The following DGAT2 variants were observed in gnomAD, a reference collection of about 807,000 sequenced individuals.
DGAT2 encodes acyl-CoA retinol O-fatty-acyltransferase.
A neutral mutation model predicts 48.4 loss-of-function variants in DGAT2; 33 were observed. That is an observed-to-expected ratio of 0.68 (90% CI 0.52 to 0.91). DGAT2 has a LOEUF of 0.91. Among genes scored for constraint, DGAT2 ranks in the 40% least tolerant of loss-of-function variants. The pLI is 0.00. For missense variants in DGAT2, 446 were observed against 493.7 expected (o/e 0.90, Z 0.92); for synonymous variants, 191 against 194.1 (o/e 0.98, Z 0.13).
chr11:75,774,814 C>A (rs1944789554), intron 1 of DGAT2, among the ~76,000 whole-genome samples: 1 of 152,194 alleles, frequency 6.6e-6, no homozygotes, highest in Admixed American at 6.5e-5. Context: ...GACCTACTCG[C>A]AAGCTAGTAG....
intron 4 of DGAT2, chr11:75,794,967 TCC>T (rs1945033963): frequency 2.0e-5 from 2 of 101,934 alleles, no homozygotes. Flanking sequence ...TCCCCTCTCC[TCC>T]GTTCCTCTGC....
chr11:75,792,307 G>GA (rs1178764552), intron 4 of DGAT2: 4 of 152,450 alleles, frequency 2.6e-5, no homozygotes, highest in African/African-American at 9.6e-5. Context: ...GGGGCACTAG[G>GA]ACAAAAGCCA....
In DGAT2 at chr11:75,790,244, G is replaced by C; in HGVS notation, c.307G>C (p.Ala103Pro). 6.2e-7 allele frequency: 1 copy of C among 1,614,144 alleles called. No homozygotes were observed. Among genetic ancestry groups the C allele is most frequent in the Non-Finnish European group, 8.5e-7 (1 of 1,180,016 alleles). Residue 103 changes from alanine (A) to proline (P), a missense_variant, in exon 3 of 8, where the codon GCT (alanine) becomes CCT (proline). Transcript: ENST00000228027. ...YIFCTDCWLIAVLYFTWLVFD... is the reference protein window; with the variant it reads ...YIFCTDCWLIPVLYFTWLVFD... ...ATTCTGCACTGATTGCTGGCTCATC[G>C]CTGTGCTCTACTTCACTTGGCTGGT...
intron 2 of DGAT2, among the ~76,000 whole-genome samples, chr11:75,786,448 C>G (rs1944923638): frequency 6.6e-6 from 1 of 152,168 alleles, no homozygotes; most frequent in African/African-American, 2.4e-5. Context: ...AAAGCTACCA[C>G]TATCCCTGTC....
intron 7 of DGAT2, 120 bp downstream of exon 7, chr11:75,798,549 A>C: frequency 8.6e-7 from 1 of 1,156,968 alleles, no homozygotes; most frequent in South Asian, 1.4e-5. Context: ...GCCCTTAGCC[A>C]TGAGGACTTT....
intron 1 of DGAT2, among the ~76,000 whole-genome samples, chr11:75,772,942 G>T (rs1035932997): frequency 6.6e-6 from 1 of 152,152 alleles, no homozygotes; most frequent in Admixed American, 6.5e-5. Context: ...GTGAGCCAAG[G>T]TTGTGCTACT....
At chr11:75,775,821 G>A (rs950941321) in intron 1 of DGAT2, 2 of 152,250 alleles carry the variant, frequency 1.3e-5, no homozygotes, top group African/African-American at 4.8e-5. Flanking sequence ...ACACCCTCCT[G>A]TGGGGGTTGG....
At chr11:75,771,339 T>C (rs750613499) in intron 1 of DGAT2, among the ~76,000 whole-genome samples, 2 of 152,106 alleles carry the variant, frequency 1.3e-5, no homozygotes, top group Non-Finnish European at 2.9e-5. Flanking sequence ...TGCCTTTGGA[T>C]TGGGGGCTCT....
rs1944944317 is a variant in DGAT2 at position 75,788,283 on chromosome 11, A to AG, written c.251-1904dup. Among the ~76,000 whole-genome samples the AG allele has an allele frequency of 3.3e-5, 5 of 152,324 alleles. No individual in the cohort carries two copies. The South Asian group carries it at 1.0e-3, about 32-fold the overall frequency. On this transcript the variant is annotated intron_variant, in intron 2 of 7. Coordinates refer to ENST00000228027, the MANE Select transcript of DGAT2 (RefSeq NM_032564.5). ...GAATCAGGCAGACTGCTGAACAGTA[A>AG]GTATGACTTTGTAGGCAGCCTTTAG...
intron 4 of DGAT2, chr11:75,792,350 C>CTCAACCCGGGGCTTAGGCTGA (rs1335753180): frequency 1.1e-3 from 175 of 152,310 alleles, no homozygotes; most frequent in African/African-American, 3.9e-3. Flanking sequence ...GGTGTTGAGC[C>CTCAACCCGGGGCTTAGGCTGA]TCAACCCGGG....
intron 4 of DGAT2, chr11:75,794,352 C>G (rs1945024466): frequency 6.6e-6 from 1 of 152,276 alleles, no homozygotes; most frequent in Non-Finnish European, 1.5e-5. Flanking sequence ...GCCAGTGACT[C>G]TGCTTCCAGC....
At chr11:75,785,657 T>C (rs1944914421) in intron 2 of DGAT2, among the ~76,000 whole-genome samples, 1 of 152,152 alleles carries the variant, frequency 6.6e-6, no homozygotes, top group African/African-American at 2.4e-5. Flanking sequence ...CTCCAGAGCA[T>C]CACAGAGTGC....
At chr11:75,784,804 A>G in intron 2 of DGAT2, 58 bp downstream of exon 2, 1 of 1,609,604 alleles carries the variant, frequency 6.2e-7, no homozygotes, top group Non-Finnish European at 8.5e-7. Flanking sequence ...TCCCCAAAAG[A>G]GGTAGAGCAG....
At chr11:75,788,568 C>A (rs1187720659) in intron 2 of DGAT2, among the ~76,000 whole-genome samples, 1 of 152,164 alleles carries the variant, frequency 6.6e-6, no homozygotes, top group East Asian at 1.9e-4. Context: ...CAACAAGGGG[C>A]TACCATTTCC....
Position 75,768,913 on chromosome 11 carries a change from G to T in DGAT2, c.-79G>T, listed in dbSNP as rs1310651843. 10 of 1,359,872 alleles carry T rather than the reference G, an allele frequency of 7.4e-6. No homozygotes were observed. Among genetic ancestry groups the T allele is most frequent in the Non-Finnish European group, 7.5e-6 (8 of 1,060,562 alleles). 84.2% of individuals were successfully genotyped at this position (1,359,872 alleles called of 1,614,324 possible). ...CCCCTGTGCTCTGCGCGAAGCCCTG[G>T]CCCCGGGGGCCGGGGCATGGGCCAG... is the stretch of plus-strand genomic sequence containing the variant. On this transcript the variant is annotated 5_prime_UTR_variant, in exon 1 of 8. Transcript: ENST00000228027.
chr11:75,779,972 A>G (rs763543230), intron 1 of DGAT2, among the ~76,000 whole-genome samples: 3 of 152,212 alleles, frequency 2.0e-5, no homozygotes, highest in Non-Finnish European at 4.4e-5. Flanking sequence ...GTAAACCTCT[A>G]TGAGCCCCTC....
intron 1 of DGAT2, among the ~76,000 whole-genome samples, chr11:75,777,625 G>A (rs1944814954): frequency 1.3e-5 from 2 of 152,126 alleles, no homozygotes; most frequent in Non-Finnish European, 1.5e-5. Context: ...CACTTCCTAC[G>A]AGTTAGAGGC....
At chr11:75,772,071 G>C (rs1302755320) in intron 1 of DGAT2, among the ~76,000 whole-genome samples, 1 of 152,190 alleles carries the variant, frequency 6.6e-6, no homozygotes, top group African/African-American at 2.4e-5. Flanking sequence ...TAAGCCAAGA[G>C]AAGGGTTGCA....
At chr11:75,775,737 T>C (rs1944797743) in intron 1 of DGAT2, among the ~76,000 whole-genome samples, 1 of 152,226 alleles carries the variant, frequency 6.6e-6, no homozygotes. Flanking sequence ...ACTTGTCTTC[T>C]CTCTGTTTCG....
Sources: allele counts gnomAD v4.1 joint callset (sites outside exome capture counted in the v4.1 genomes callset), GRCh38; gene constraint gnomAD v4.1.1; transcripts MANE v1.5; gene names NCBI Gene and HGNC (gene_info 2026-07-23, HGNC 2026-07-21).